The following GAD2 variants were observed in gnomAD, a reference collection of about 807,000 sequenced individuals.
The protein encoded by GAD2 is 65 kDa glutamic acid decarboxylase.
In GAD2, 22 loss-of-function variants were observed where a neutral mutation model predicts 80.1. That is an observed-to-expected ratio of 0.27 (90% confidence interval 0.20 to 0.39). The LOEUF (loss-of-function observed/expected upper bound fraction) is 0.39, where lower values mean the gene tolerates loss of function less well. Among genes scored for constraint, GAD2 ranks in the 10% least tolerant of loss-of-function variants. GAD2 has a pLI of 1.00. For missense variants in GAD2, 624 were observed against 738.4 expected, an observed-to-expected ratio of 0.85 and a Z score of 1.80; for synonymous variants, 274 against 256.9, an observed-to-expected ratio of 1.07 and a Z score of -0.64.
chr10:26,252,874 T>C (rs1370288950), intron 8 of GAD2, among the ~76,000 whole-genome samples: 1 of 151,804 alleles, frequency 6.6e-6, no homozygotes, highest in Non-Finnish European at 1.5e-5. Context: ...GTCAGGCTGC[T>C]CTCGGACTCC....
chr10:26,272,808 G>C (rs533489688), intron 10 of GAD2, among the ~76,000 whole-genome samples: 31 of 152,174 alleles, frequency 2.0e-4, no homozygotes, highest in Admixed American at 5.9e-4. Flanking sequence ...AGGTTGCAGT[G>C]AGCCAAGATC....
intron 3 of GAD2, chr10:26,218,433 T>A (rs1844409473): frequency 1.2e-5 from 2 of 161,552 alleles, no homozygotes; most frequent in African/African-American, 2.4e-5. Context: ...AGAGAACGAT[T>A]CCATTCACAT....
intron 4 of GAD2, 93 bp from the exon 5 acceptor site, chr10:26,223,794 C>T (rs971752683): frequency 1.3e-6 from 1 of 780,622 alleles, no homozygotes; most frequent in African/African-American, 1.7e-5. Flanking sequence ...ACTGACAGAT[C>T]TTTCAAGGTC....
intron 8 of GAD2, among the ~76,000 whole-genome samples, chr10:26,248,323 G>A (rs937167384): frequency 6.6e-6 from 1 of 152,168 alleles, no homozygotes; most frequent in African/African-American, 2.4e-5. Context: ...AAAATTTTGA[G>A]GTCAGCAGAA....
intron 8 of GAD2, among the ~76,000 whole-genome samples, chr10:26,263,575 C>G (rs1428719413): frequency 6.6e-6 from 1 of 152,220 alleles, no homozygotes; most frequent in Non-Finnish European, 1.5e-5. Context: ...CCAAGTCAGT[C>G]TATGCAGTTT....
At chr10:26,271,276 T>G (rs992266295) in intron 10 of GAD2, among the ~76,000 whole-genome samples, 1 of 152,200 alleles carries the variant, frequency 6.6e-6, no homozygotes, top group Admixed American at 6.5e-5. Context: ...ATTTCGTAGC[T>G]TGGTCAGCTA....
chr10:26,281,262 G>C (rs1845267751), intron 12 of GAD2, among the ~76,000 whole-genome samples, 175 bp downstream of exon 12: 1 of 152,180 alleles, frequency 6.6e-6, no homozygotes, highest in Non-Finnish European at 1.5e-5. Flanking sequence ...GTGCCTAACA[G>C]GGAAGAAAGG....
chr10:26,300,680 G>T, intron 15 of GAD2, 108 bp from the exon 16 acceptor site: 1 of 951,726 alleles, frequency 1.1e-6, no homozygotes, highest in Non-Finnish European at 1.6e-6. Context: ...AAACAATAAG[G>T]TTCTGACTGT....
intron 8 of GAD2, among the ~76,000 whole-genome samples, chr10:26,264,512 G>C (rs1210144099): frequency 6.6e-6 from 1 of 151,940 alleles, no homozygotes; most frequent in East Asian, 1.9e-4. Flanking sequence ...GGGTTTCACT[G>C]TGTTAGCCAG....
intron 13 of GAD2, among the ~76,000 whole-genome samples, chr10:26,288,942 C>T (rs998007963): frequency 6.6e-6 from 1 of 152,028 alleles, no homozygotes; most frequent in East Asian, 1.9e-4. Context: ...CATGAAGGCA[C>T]CAGGGAAGGG....
chr10:26,265,206 T>C (rs932854549), intron 8 of GAD2, among the ~76,000 whole-genome samples: 1 of 54,866 alleles, frequency 1.8e-5, no homozygotes, highest in Admixed American at 1.6e-4. Flanking sequence ...ATCATACGAC[T>C]TTTTTTTTTT....
chr10:26,296,753 G>A (rs919161031), intron 15 of GAD2, among the ~76,000 whole-genome samples: 2 of 152,078 alleles, frequency 1.3e-5, no homozygotes, highest in African/African-American at 2.4e-5. Context: ...GGTTCTGTCA[G>A]CTTTTATAGT....
chr10:26,243,043 C>A lies in GAD2; in HGVS notation c.841-2878C>A, dbSNP rs565036286. 1.4e-3 allele frequency among the ~76,000 whole-genome samples: 173 copies of A among 121,302 alleles called. 1 individual carries two copies. Among genetic ancestry groups the A allele is most frequent in the African/African-American group, 7.7e-3 (152 of 19,832 alleles). The allele number at this position is 121,302 out of a possible 152,430, so 79.6% of individuals were successfully genotyped here. A position where few individuals can be genotyped will look rare whatever the true frequency, so the allele number is the denominator to read the frequency against. ...AGGGCTCTGCCAAATGCACAAAAAA[C>A]CCCCCCCCTTTTTTTGGTGGGGGAG... On this transcript the variant is annotated intron_variant, in intron 7 of 15. Transcript: ENST00000376261.
chr10:26,293,172 CTTTTTTTTT>C (rs987030977), intron 15 of GAD2, among the ~76,000 whole-genome samples, 181 bp downstream of exon 15: 5 of 96,452 alleles, frequency 5.2e-5, no homozygotes, highest in South Asian at 3.3e-4. Flanking sequence ...CATTTTTCTT[CTTTTTTTTT>C]TTTTTTTTTT....
chr10:26,245,325 G>A lies in GAD2; in HGVS notation c.841-596G>A, dbSNP rs575681577. ...GGTGCAGCAAACCACCATGGCACAC[G>A]TTTACCTATGTAACAAACCTGCACA... is the stretch of plus-strand genomic sequence containing the variant. On this transcript the variant is annotated intron_variant, in intron 7 of 15. Transcript: ENST00000376261. Among the ~76,000 whole-genome samples, 460 of 151,636 alleles carry A rather than the reference G, an allele frequency of 3.0e-3. 3 individuals carry two copies. The highest frequency in any genetic ancestry group is 3.0e-3 in the Non-Finnish European group (202 of 67,924).
At chr10:26,239,618 G>A (rs964293412) in intron 7 of GAD2, among the ~76,000 whole-genome samples, 3 of 152,192 alleles carry the variant, frequency 2.0e-5, no homozygotes, top group Non-Finnish European at 2.9e-5. Flanking sequence ...TCTCGTAGTG[G>A]ACACACAGTG....
At chr10:26,268,089 A>C (rs888030103) in intron 8 of GAD2, among the ~76,000 whole-genome samples, 1 of 152,166 alleles carries the variant, frequency 6.6e-6, no homozygotes, top group Non-Finnish European at 1.5e-5. Context: ...TTATTTTTCC[A>C]AAAAGCCTTT....
intron 4 of GAD2, among the ~76,000 whole-genome samples, chr10:26,220,379 A>C (rs1844438152): frequency 1.3e-5 from 2 of 152,224 alleles, no homozygotes; most frequent in African/African-American, 4.8e-5. Flanking sequence ...CTAATCAATA[A>C]CAAACATTCT....
intron 3 of GAD2, 38 bp downstream of exon 3, chr10:26,218,029 CCTCT>C: frequency 1.3e-6 from 2 of 1,557,294 alleles, no homozygotes; most frequent in Non-Finnish European, 1.7e-6. Flanking sequence ...CGCCCCTGCC[CCTCT>C]CTCTGCCCCG....
Sources: gnomAD v4.1 joint callset for allele counts (sites outside exome capture counted in the v4.1 genomes callset) on GRCh38, gnomAD v4.1.1 for gene constraint, MANE v1.5 for transcripts, NCBI Gene and HGNC (gene_info 2026-07-23, HGNC 2026-07-21) for gene names.